Variants in LEF1 observed in about 807,000 individuals in gnomAD.
LEF1 encodes the protein lymphoid enhancer binding factor 1, also known as lymphoid enhancer-binding factor 1.
A neutral mutation model predicts 51.2 loss-of-function variants in LEF1; 14 were observed. The ratio of observed to expected loss-of-function variants is 0.27; its 90% CI spans 0.18 to 0.43. The LOEUF is 0.43. Ranked by LOEUF, LEF1 falls within the 20% of genes least tolerant of loss-of-function variation. The pLI, the probability that LEF1 is intolerant of heterozygous loss-of-function variation, is 1.00. For missense variants in LEF1, 386 were observed against 512.0 expected, an observed-to-expected ratio of 0.75 and a Z score of 2.37; for synonymous variants, 185 against 183.2, an observed-to-expected ratio of 1.01 and a Z score of -0.08.
At chr4:108,152,631 A>C (rs1744427174) in intron 3 of LEF1, among the ~76,000 whole-genome samples, 2 of 152,352 alleles carry the variant, frequency 1.3e-5, no homozygotes, top group South Asian at 4.1e-4. Context: ...ACCTCAGTTA[A>C]ATTACTGAGC....
chr4:108,125,392 ACCT>A (rs1742463265), intron 3 of LEF1, among the ~76,000 whole-genome samples: 1 of 152,086 alleles, frequency 6.6e-6, no homozygotes, highest in Non-Finnish European at 1.5e-5. Context: ...AAAACCCCTG[ACCT>A]CAGGTGATCC....
intron 11 of LEF1, among the ~76,000 whole-genome samples, chr4:108,060,437 T>C (rs1321891874): frequency 6.6e-6 from 1 of 152,128 alleles, no homozygotes. Flanking sequence ...TCACTTATAC[T>C]GAGAAACCAG....
At chr4:108,154,224 T>C (rs1744539627) in intron 3 of LEF1, among the ~76,000 whole-genome samples, 1 of 152,108 alleles carries the variant, frequency 6.6e-6, no homozygotes. Context: ...AAGTACTTTG[T>C]ATTCTTAAAG....
intron 1 of LEF1, 34 bp from the exon 2 acceptor site, chr4:108,165,197 A>G: frequency 6.3e-7 from 1 of 1,595,860 alleles, no homozygotes; most frequent in Non-Finnish European, 8.6e-7. Flanking sequence ...CAAAAGAAAG[A>G]AAATCACCTT....
chr4:108,095,274 A>C (rs1740305955), intron 3 of LEF1, among the ~76,000 whole-genome samples: 1 of 152,214 alleles, frequency 6.6e-6, no homozygotes, highest in Non-Finnish European at 1.5e-5. Context: ...AGGAATTAAC[A>C]TGGGTTGCAC....
At chr4:108,053,295 C>T (rs1189424061) in intron 11 of LEF1, among the ~76,000 whole-genome samples, 4 of 152,194 alleles carry the variant, frequency 2.6e-5, no homozygotes, top group African/African-American at 4.8e-5. Flanking sequence ...TGACAGTAAA[C>T]ATTACCCAAC....
At chr4:108,078,512 C>G in intron 7 of LEF1, 130 bp from the exon 8 acceptor site, 1 of 1,138,854 alleles carries the variant, frequency 8.8e-7, no homozygotes, top group South Asian at 1.3e-5. Flanking sequence ...CACCCCAGAC[C>G]ACCACCAACT....
intron 3 of LEF1, among the ~76,000 whole-genome samples, chr4:108,091,281 A>G (rs1740002721): frequency 6.6e-6 from 1 of 152,152 alleles, no homozygotes; most frequent in South Asian, 2.1e-4. Context: ...GACATACACT[A>G]ATTTTGAACT....
chr4:108,082,551 G>T (rs1307595975), intron 5 of LEF1, among the ~76,000 whole-genome samples: 1 of 152,124 alleles, frequency 6.6e-6, no homozygotes, highest in Non-Finnish European at 1.5e-5. Flanking sequence ...GACATAGAGA[G>T]TCAAGTGGAA....
chr4:108,150,148 CCACT>C (rs1744280502), intron 3 of LEF1, among the ~76,000 whole-genome samples: 1 of 152,148 alleles, frequency 6.6e-6, no homozygotes, highest in African/African-American at 2.4e-5. Context: ...ACAAAAATCA[CCACT>C]AACTGCTCCT....
intron 3 of LEF1, among the ~76,000 whole-genome samples, chr4:108,125,186 CAG>C (rs773801252): frequency 1.2e-4 from 18 of 151,942 alleles, no homozygotes; most frequent in Non-Finnish European, 2.2e-4. Context: ...ATTTTTGAGG[CAG>C]AGTCTTGCTC....
intron 4 of LEF1, among the ~76,000 whole-genome samples, chr4:108,086,587 GT>G (rs770926333): frequency 9.2e-5 from 14 of 152,124 alleles, no homozygotes; most frequent in Non-Finnish European, 1.5e-4. Context: ...AATTGCTACT[GT>G]TTTATAAAAT....
At chr4:108,077,474 G>A (rs58119470) in intron 8 of LEF1, among the ~76,000 whole-genome samples, 5 of 110,338 alleles carry the variant, frequency 4.5e-5, no homozygotes, top group South Asian at 4.0e-4. Flanking sequence ...AGTGAGGGGC[G>A]CCTCTGCCCG....
At chr4:108,151,527 G>A (rs1191265285) in intron 3 of LEF1, among the ~76,000 whole-genome samples, 22 of 152,030 alleles carry the variant, frequency 1.4e-4, no homozygotes, top group Admixed American at 1.4e-3. Context: ...GTGCAATCAG[G>A]GTAAATTATC....
chr4:108,142,228 T>G (rs1487879117), intron 3 of LEF1, among the ~76,000 whole-genome samples: 1 of 152,214 alleles, frequency 6.6e-6, no homozygotes, highest in Non-Finnish European at 1.5e-5. Flanking sequence ...CCTTAGCCCT[T>G]TTTAATCAAC....
At chr4:108,103,071 A>G in intron 3 of LEF1, among the ~76,000 whole-genome samples, 1 of 152,354 alleles carries the variant, frequency 6.6e-6, no homozygotes, top group South Asian at 2.1e-4. Context: ...CTCTAAGAGC[A>G]CGCAGCTCCC....
At chr4:108,059,655 T>C (rs1275285645) in intron 11 of LEF1, among the ~76,000 whole-genome samples, 1 of 152,098 alleles carries the variant, frequency 6.6e-6, no homozygotes, top group African/African-American at 2.4e-5. Context: ...CCCTTCAGAA[T>C]TGAAAACCAG....
At chr4:108,094,914 C>T (rs941672071) in intron 3 of LEF1, among the ~76,000 whole-genome samples, 3 of 152,178 alleles carry the variant, frequency 2.0e-5, no homozygotes, top group African/African-American at 7.2e-5. Context: ...CCTTTCCCTC[C>T]TTTTCTGAGA....
At chr4:108,087,092 T>C (rs185771853) in intron 4 of LEF1, among the ~76,000 whole-genome samples, 6 of 152,080 alleles carry the variant, frequency 3.9e-5, no homozygotes, top group African/African-American at 1.4e-4. Flanking sequence ...CATCATGCCC[T>C]AAGGCAGGAG....
Sources: gnomAD v4.1 joint callset for allele counts (sites outside exome capture counted in the v4.1 genomes callset) on GRCh38, gnomAD v4.1.1 for gene constraint, MANE v1.5 for transcripts, NCBI Gene and HGNC (gene_info 2026-07-23, HGNC 2026-07-21) for gene names.